PLCB3: variants seen among roughly 807,000 people sequenced by gnomAD.
PLCB3 encodes the protein phospholipase C beta 3.
Under a neutral mutation model 152.1 loss-of-function variants are expected in PLCB3, and 54 were observed. The observed-to-expected ratio is 0.36, with a 90% CI of 0.29 to 0.45. The LOEUF is 0.45. Ranked by LOEUF, PLCB3 falls within the 20% of genes least tolerant of loss-of-function variation. PLCB3 has a pLI of 1.00. For missense variants in PLCB3, 1,248 were observed against 1,687.5 expected (o/e 0.74, Z 4.56); for synonymous variants, 717 against 698.7 (o/e 1.03, Z -0.41).
Position 64,263,770 on chromosome 11 carries a change from G to T in PLCB3, c.2535G>T (p.Ser845=). ...CCCTGCTCATCTACACCGAAGCCTC[G>T]GACTACATTCCTGACGACCACCAGG... The part of the protein sequence containing the change: ...LPALLIYTEA[S]DYIPDDHQDY... Residue 845 remains serine, a synonymous_variant, in exon 21 of 31, where the codon TCG becomes TCT. Coordinates refer to ENST00000279230, the MANE Select transcript of PLCB3 (RefSeq NM_000932.5). 1.2e-6 allele frequency: 2 copies of T among 1,613,208 alleles called. No individual in the cohort carries two copies. The highest frequency in any genetic ancestry group is 2.2e-5 in the East Asian group (1 of 44,886).
chr11:64,254,845 A>G, intron 3 of PLCB3, 29 bp downstream of exon 3: 1 of 1,613,868 alleles, frequency 6.2e-7, no homozygotes, highest in Non-Finnish European at 8.5e-7. Flanking sequence ...AGTGAAGACC[A>G]CAGCGAGGCT....
At chr11:64,268,505 TGAG>T (rs2032252432), downstream of PLCB3, 1 of 152,240 alleles carries the variant, frequency 6.6e-6, no homozygotes, top group South Asian at 2.1e-4. Flanking sequence ...GTTTTACAGA[TGAG>T]GAGACTGAGG....
chr11:64,263,130 C>G (rs1437905673), intron 19 of PLCB3, among the ~76,000 whole-genome samples: 4 of 152,234 alleles, frequency 2.6e-5, no homozygotes, highest in Non-Finnish European at 5.9e-5. Flanking sequence ...ATCCGCTCTT[C>G]AGCACCCCGC....
chr11:64,254,404 G>A lies in PLCB3; in HGVS notation c.100-11G>A. 6.2e-7 allele frequency: 1 copy of A among 1,611,996 alleles called. No homozygotes were observed. The highest frequency in any genetic ancestry group is 1.1e-5 in the South Asian group (1 of 91,046). On this transcript the variant is annotated splice_polypyrimidine_tract_variant and intron_variant, in intron 1 of 30. Coordinates refer to ENST00000279230, the MANE Select transcript of PLCB3 (RefSeq NM_000932.5). ...CACTTCCTGACCCCTGCTGCCCTGT[G>A]CTGTCCTCAGGAGACCTCCAGTCGG...
chr11:64,254,567 G>T (rs1287228142), intron 2 of PLCB3, 75 bp downstream of exon 2: 6 of 1,468,054 alleles, frequency 4.1e-6, no homozygotes, highest in Non-Finnish European at 5.7e-6. Flanking sequence ...CCGTGGGGGT[G>T]GGGCCCGGCT....
chr11:64,269,357 G>A (rs889791812), downstream of PLCB3, among the ~76,000 whole-genome samples: 1 of 152,352 alleles, frequency 6.6e-6, no homozygotes, highest in South Asian at 2.1e-4. Context: ...CCAAGAACCG[G>A]CCCGGGTTAT....
chr11:64,264,964 A>G lies in PLCB3; in HGVS notation c.2666A>G (p.Gln889Arg). 2 of 1,613,146 alleles carry G rather than the reference A, an allele frequency of 1.2e-6. No individual in the cohort carries two copies. Among genetic ancestry groups the G allele is most frequent in the East Asian group, 4.5e-5 (2 of 44,870 alleles). The change falls in exon 23 of 31, where the codon CAA becomes CGA. Residue 889 changes from glutamine to arginine, a missense_variant. Gln to Arg is a conservative substitution (Grantham distance 43, BLOSUM62 1). Around this residue, in one of 6 missense-constraint regions of PLCB3, gnomAD observed 477 missense variants for 489.6 expected, o/e 0.97. Coordinates refer to ENST00000279230, the MANE Select transcript of PLCB3 (RefSeq NM_000932.5). ...TTCTCCCTATAGGCTCAGGCTGGCC[A>G]AGAGACGTGCCAGGACACCCAGTCT... is the stretch of plus-strand genomic sequence containing the variant. ...LIGESEAQAG[Q>R]ETCQDTQSQQ...
Position 64,266,392 on chromosome 11 carries a change from A to C in PLCB3, c.3344A>C (p.His1115Pro), listed in dbSNP as rs1370855685. 31 of 1,608,552 alleles carry C rather than the reference A, an allele frequency of 1.9e-5. No individual in the cohort carries two copies. The highest frequency in any genetic ancestry group is 2.6e-5 in the Non-Finnish European group (30 of 1,175,360). ...SISEAKMRDKHKKEAELTEIN... is the reference protein window; with the variant it reads ...SISEAKMRDKPKKEAELTEIN... ...TCGGAGGCCAAGATGAGGGACAAGC[A>C]TAAGAAGGAGGCGTAAGGGCACCGG... is the stretch of plus-strand genomic sequence containing the variant. Residue 1115 changes from histidine to proline, a missense_variant, in exon 28 of 31, where the codon CAT becomes CCT. Transcript: ENST00000279230. The surrounding 1 kb of genome is among the most constrained non-coding windows in gnomAD (Gnocchi z 4.9).
intron 10 of PLCB3, 111 bp downstream of exon 10, chr11:64,256,875 TG>T: frequency 8.3e-7 from 1 of 1,202,996 alleles, no homozygotes; most frequent in Non-Finnish European, 1.2e-6. Context: ...CATTGGCCAG[TG>T]CTGGGGATGC....
chr11:64,265,009 C>T lies in PLCB3; in HGVS notation c.2711C>T (p.Pro904Leu), dbSNP rs141905815. The T allele has an allele frequency of 3.7e-5, 59 of 1,610,132 alleles. No individual in the cohort carries two copies. In the African/African-American group the frequency reaches 7.1e-4, roughly 19 times the overall value. ...CAGTCTCAGCAGCTGGGGTCTCAGC[C>T]GTCCTCAAACCCCACCCCCAGCCCA... ...DTQSQQLGSQ[P>L]SSNPTPSPLD... Residue 904 changes from proline (P) to leucine (L), a missense_variant, in exon 23 of 31, where the codon CCG (proline) becomes CTG (leucine). Pro to Leu is a moderately conservative substitution (Grantham distance 98). Transcript: ENST00000279230.
rs1275486897 is a variant in PLCB3 at position 64,266,652 on chromosome 11, C to T, written c.3414+100C>T. 7.0e-6 allele frequency: 8 copies of T among 1,138,378 alleles called. No homozygotes were observed. The Admixed American group carries it at 1.4e-4, about 20-fold the overall frequency. 70.5% of individuals were successfully genotyped at this position (1,138,378 alleles called of 1,614,324 possible). A position where few individuals can be genotyped will look rare whatever the true frequency, so the allele number is the denominator to read the frequency against. On this transcript the variant is annotated intron_variant, in intron 29 of 30. Coordinates refer to ENST00000279230, the MANE Select transcript of PLCB3 (RefSeq NM_000932.5). The surrounding 1 kb of genome is among the most constrained non-coding windows in gnomAD (Gnocchi z 4.9). ...CTGGTGCCACGTTGCCCTCAAGGTT[C>T]TTCTAGGGCCTTTCTCAAGTGCCCA...
intron 17 of PLCB3, 50 bp from the exon 18 acceptor site, chr11:64,262,357 A>G (rs768296112): frequency 6.3e-7 from 1 of 1,595,454 alleles, no homozygotes; most frequent in South Asian, 1.1e-5. Flanking sequence ...CCCACATGGC[A>G]CCGTCCTGCC....
chr11:64,255,639 C>CAGGGGGGG lies in PLCB3; in HGVS notation c.597+23_597+24insAGGGGGGG. On this transcript the variant is annotated intron_variant, in intron 7 of 30. Coordinates refer to ENST00000279230, the MANE Select transcript of PLCB3 (RefSeq NM_000932.5). This position sits in a 1 kb window ranked among gnomAD's most constrained non-coding sequence, Gnocchi z 6.8. ...CGGGTGTGTGGGGTGGGGACAGGGG[C>CAGGGGGGG]GGGGTGGGGTGTCACGGTGGGCACC... is the stretch of plus-strand genomic sequence containing the variant. 3 of 645,424 alleles carry CAGGGGGGG rather than the reference C, an allele frequency of 4.6e-6. No homozygotes were observed. The highest frequency in any genetic ancestry group is 8.1e-6 in the Non-Finnish European group (3 of 370,678). 40.0% of individuals were successfully genotyped at this position (645,424 alleles called of 1,614,324 possible). A position where few individuals can be genotyped will look rare whatever the true frequency, so the allele number is the denominator to read the frequency against.
chr11:64,258,837 C>A lies in PLCB3; in HGVS notation c.1254-48C>A. 1 of 1,609,246 alleles carries A rather than the reference C, an allele frequency of 6.2e-7. No individual in the cohort carries two copies. Among genetic ancestry groups the A allele is most frequent in the Non-Finnish European group, 8.5e-7 (1 of 1,175,682 alleles). ...CACTGACATGTCCCGTAGACCTCAG[C>A]TTCCTCTCTGGGGGAGGGATCTCTG... On this transcript the variant is annotated intron_variant, in intron 11 of 30. Coordinates refer to ENST00000279230, the MANE Select transcript of PLCB3 (RefSeq NM_000932.5). This position sits in a 1 kb window ranked among gnomAD's most constrained non-coding sequence, Gnocchi z 7.2.
At chr11:64,259,723 C>A (rs962391333) in intron 13 of PLCB3, among the ~76,000 whole-genome samples, 1 of 152,152 alleles carries the variant, frequency 6.6e-6, no homozygotes, top group Non-Finnish European at 1.5e-5. Flanking sequence ...CTATGTCATC[C>A]CTTACCCCGC....
chr11:64,264,805 ACAGCCTC>A lies in PLCB3; in HGVS notation c.2653-144_2653-138del. 4.2e-5 allele frequency: 29 copies of A among 698,702 alleles called. No homozygotes were observed. In the South Asian group the frequency reaches 4.6e-4, roughly 11 times the overall value. The allele number at this position is 698,702 out of a possible 1,614,324, so 43.3% of individuals were successfully genotyped here. Reference sequence around the variant, plus strand: ...TTGATTTATAGCTCTTCTCATGCAGACAGCCTCCTGTTACAGAGCAGTCCAGCAGTGG... The same window carrying A: ...TTGATTTATAGCTCTTCTCATGCAGACTGTTACAGAGCAGTCCAGCAGTGG... On this transcript the variant is annotated intron_variant, in intron 22 of 30. Transcript: ENST00000279230.
chr11:64,255,252 T>G lies in PLCB3; in HGVS notation c.406T>G (p.Phe136Val), dbSNP rs1451358863. 9 of 1,613,668 alleles carry G rather than the reference T, an allele frequency of 5.6e-6. No homozygotes were observed. Among genetic ancestry groups the G allele is most frequent in the Non-Finnish European group, 7.6e-6 (9 of 1,179,912 alleles). Residue 136 changes from phenylalanine (F) to valine (V), a missense_variant, in exon 5 of 31, where the codon TTC (phenylalanine) becomes GTC (valine). Transcript: ENST00000279230. This position sits in a 1 kb window ranked among gnomAD's most constrained non-coding sequence, Gnocchi z 6.8. Reference sequence around the variant, plus strand: ...CCCCCAGGTCTGGTCTGAGGAGCTATTCAAGCTGGCTATGAACATCCTGGC... The same window carrying G: ...CCCCCAGGTCTGGTCTGAGGAGCTAGTCAAGCTGGCTATGAACATCCTGGC... ...DTAKVWSEEL[F>V]KLAMNILAQN...
Position 64,267,376 on chromosome 11 carries a change from G to A in PLCB3, c.3525G>A (p.Glu1175=), listed in dbSNP as rs1385935618. 3.9e-6 allele frequency: 6 copies of A among 1,546,506 alleles called. No individual in the cohort carries two copies. The highest frequency in any genetic ancestry group is 2.4e-5 in the South Asian group (2 of 83,510). The part of the protein sequence containing the change: ...EPKLLAQLAQ[E]CQEQRARLPQ... ...AGCTGCTGGCCCAGCTGGCCCAGGA[G>A]TGTCAGGAGCAGCGGGCGAGGCTCC... The change falls in exon 31 of 31, where the codon GAG becomes GAA. Residue 1175 remains glutamate, a synonymous_variant. Transcript: ENST00000279230. The surrounding 1 kb of genome is among the most constrained non-coding windows in gnomAD (Gnocchi z 5.2).
At position 64,267,401 on chromosome 11, in the gene PLCB3, C is replaced by T. The variant is rs1446765324; in HGVS notation, c.3550C>T (p.Pro1184Ser). Residue 1184 changes from proline (P) to serine (S), a missense_variant, in exon 31 of 31, where the codon CCC becomes TCC. Pro to Ser is a moderately conservative substitution (Grantham distance 74). This residue lies in a region of PLCB3 where 477 missense variants were observed against 489.6 expected (regional missense o/e 0.97). Coordinates refer to ENST00000279230, the MANE Select transcript of PLCB3 (RefSeq NM_000932.5). The surrounding 1 kb of genome is among the most constrained non-coding windows in gnomAD (Gnocchi z 5.2). ...GTGTCAGGAGCAGCGGGCGAGGCTC[C>T]CCCAGGAGATCCGCCGGAGCCTGCT... ...QECQEQRARL[P>S]QEIRRSLLGE... The T allele has an allele frequency of 1.3e-6, 2 of 1,541,610 alleles. No individual in the cohort carries two copies.
Sources: gnomAD v4.1 joint callset for allele counts (sites outside exome capture counted in the v4.1 genomes callset) on GRCh38, gnomAD v4.1.1 for gene constraint, gnomAD v4.1.1 regional missense constraint, Gnocchi (gnomAD v3.1) non-coding constraint, MANE v1.5 for transcripts, NCBI Gene and HGNC (gene_info 2026-07-23, HGNC 2026-07-21) for gene names.